LYPLAL1: variants seen among roughly 807,000 people sequenced by gnomAD.
The protein encoded by LYPLAL1 is lysophospholipase-like protein 1.
LYPLAL1 carries 23 observed loss-of-function variants against 19.7 expected under a neutral mutation model. The ratio of observed to expected loss-of-function variants is 1.17; its 90% CI spans 0.84 to 1.65. The LOEUF (loss-of-function observed/expected upper bound fraction) is 1.65. Among genes scored for constraint, LYPLAL1 ranks in the 40% most tolerant of loss-of-function variants. LYPLAL1 has a pLI of 0.00. For missense variants in LYPLAL1, 355 were observed against 279.4 expected, an observed-to-expected ratio of 1.27 and a Z score of -1.93; for synonymous variants, 119 against 96.3, an observed-to-expected ratio of 1.24 and a Z score of -1.38.
At chr1:219,331,594 A>G in the LYPLAL1 span, among the ~76,000 whole-genome samples, 1 of 152,184 alleles carries the variant, frequency 6.6e-6, no homozygotes, top group African/African-American at 2.4e-5. Flanking sequence ...TTATGCACAC[A>G]TGCCGTTGCC....
chr1:219,368,795 T>G, the LYPLAL1 span, among the ~76,000 whole-genome samples: 1 of 152,260 alleles, frequency 6.6e-6, no homozygotes, highest in African/African-American at 2.4e-5. Flanking sequence ...GATTTTACTA[T>G]GTACAATTCA....
At chr1:219,217,888 A>G in the LYPLAL1 span, among the ~76,000 whole-genome samples, 1 of 152,076 alleles carries the variant, frequency 6.6e-6, no homozygotes, top group South Asian at 2.1e-4. Flanking sequence ...AGCATAAATC[A>G]GTATCACAAT....
the LYPLAL1 span, among the ~76,000 whole-genome samples, chr1:219,375,490 TA>T: frequency 0.021 from 799 of 37,474 alleles, 9 homozygotes; most frequent in African/African-American, 0.061. Context: ...AAACTCCTTC[TA>T]AAAAAAAAAA....
chr1:219,374,441 A>G, the LYPLAL1 span, among the ~76,000 whole-genome samples: 1 of 152,086 alleles, frequency 6.6e-6, no homozygotes, highest in African/African-American at 2.4e-5. Context: ...CCAAAGAGTG[A>G]TATTTGATCT....
At chr1:219,262,504 G>C in the LYPLAL1 span, among the ~76,000 whole-genome samples, 26 of 152,158 alleles carry the variant, frequency 1.7e-4, no homozygotes, top group African/African-American at 6.0e-4. Context: ...CTGCTGTTCT[G>C]ATTCTTTTGT....
At chr1:219,346,036 G>T in the LYPLAL1 span, among the ~76,000 whole-genome samples, 44 of 152,338 alleles carry the variant, frequency 2.9e-4, 1 homozygote, top group East Asian at 8.5e-3. Flanking sequence ...AAAATCCACA[G>T]AAGGGAGTCC....
At chr1:219,363,913 C>G in the LYPLAL1 span, among the ~76,000 whole-genome samples, 3 of 152,240 alleles carry the variant, frequency 2.0e-5, no homozygotes, top group South Asian at 6.2e-4. Flanking sequence ...ATTCCAGGCT[C>G]CTGGAAAGTA....
the LYPLAL1 span, among the ~76,000 whole-genome samples, chr1:219,393,466 G>A: frequency 6.6e-6 from 1 of 152,132 alleles, no homozygotes; most frequent in East Asian, 1.9e-4. Flanking sequence ...CACCCAGGGT[G>A]ACTTTGGGGG....
chr1:219,377,921 G>A, the LYPLAL1 span, among the ~76,000 whole-genome samples: 2 of 152,166 alleles, frequency 1.3e-5, no homozygotes, highest in African/African-American at 2.4e-5. Context: ...TTGCCATGTG[G>A]TCTCTGTCTG....
chr1:219,282,719 A>AT, the LYPLAL1 span, among the ~76,000 whole-genome samples: 1 of 151,846 alleles, frequency 6.6e-6, no homozygotes, highest in Non-Finnish European at 1.5e-5. Context: ...TGAGAATTCT[A>AT]TTTTTTTTCC....
the LYPLAL1 span, among the ~76,000 whole-genome samples, chr1:219,236,582 T>G: frequency 6.6e-6 from 1 of 152,222 alleles, no homozygotes; most frequent in Non-Finnish European, 1.5e-5. Flanking sequence ...ACCAAAACAG[T>G]CCATTCATTC....
chr1:219,300,137 C>G, the LYPLAL1 span, among the ~76,000 whole-genome samples: 2 of 152,124 alleles, frequency 1.3e-5, no homozygotes, highest in African/African-American at 4.8e-5. Flanking sequence ...GCAAGTGCCA[C>G]TATGCCCACC....
chr1:219,371,958 G>C, the LYPLAL1 span, among the ~76,000 whole-genome samples: 3 of 152,260 alleles, frequency 2.0e-5, no homozygotes, highest in African/African-American at 7.2e-5. Flanking sequence ...CTAACCCACT[G>C]TCTGAAATCA....
At chr1:219,248,504 A>G in the LYPLAL1 span, among the ~76,000 whole-genome samples, 1 of 152,214 alleles carries the variant, frequency 6.6e-6, no homozygotes, top group African/African-American at 2.4e-5. Flanking sequence ...TTTCTCCTTT[A>G]TTTCCAGAAA....
chr1:219,445,178 AT>A, the LYPLAL1 span, among the ~76,000 whole-genome samples: 8 of 150,906 alleles, frequency 5.3e-5, no homozygotes, highest in African/African-American at 1.9e-4. Flanking sequence ...CTATACTGTA[AT>A]TTTTTTTTAA....
chr1:219,428,318 T>C, the LYPLAL1 span, among the ~76,000 whole-genome samples: 6 of 152,218 alleles, frequency 3.9e-5, no homozygotes, highest in African/African-American at 1.4e-4. Flanking sequence ...GAACTCGAGT[T>C]TTGCCAGGGA....
the LYPLAL1 span, among the ~76,000 whole-genome samples, chr1:219,244,936 A>G: frequency 2.7e-5 from 4 of 146,316 alleles, no homozygotes; most frequent in Non-Finnish European, 6.0e-5. Context: ...AACAAAAAAC[A>G]CTTGCCATAA....
chr1:219,407,256 G>C, the LYPLAL1 span, among the ~76,000 whole-genome samples: 2 of 152,162 alleles, frequency 1.3e-5, no homozygotes, highest in East Asian at 1.9e-4. Context: ...TCAAAGAAAT[G>C]GTGATGCTTT....
chr1:219,351,978 T>C, the LYPLAL1 span, among the ~76,000 whole-genome samples: 1 of 152,252 alleles, frequency 6.6e-6, no homozygotes, highest in African/African-American at 2.4e-5. Flanking sequence ...CTAATTCTAA[T>C]TCTAGGCACA....
Sources: allele counts gnomAD v4.1 joint callset (sites outside exome capture counted in the v4.1 genomes callset), GRCh38; gene constraint gnomAD v4.1.1; transcripts MANE v1.5; gene names NCBI Gene and HGNC (gene_info 2026-07-23, HGNC 2026-07-21).